Variants in ULK4 observed in about 807,000 individuals in gnomAD.
The protein encoded by ULK4 is inactive serine/threonine-protein kinase ULK4.
In ULK4, 133 loss-of-function variants were observed where a neutral mutation model predicts 160.6. That is an observed-to-expected ratio of 0.83 (90% CI 0.72 to 0.96). The LOEUF (loss-of-function observed/expected upper bound fraction) is 0.96, where lower values mean the gene tolerates loss of function less well. Ranked by LOEUF, ULK4 falls within the 40% of genes least tolerant of loss-of-function variation. The pLI is 0.00. For missense variants in ULK4, 1,580 were observed against 1,499.5 expected, an observed-to-expected ratio of 1.05 and a Z score of -0.89; for synonymous variants, 534 against 539.8, an observed-to-expected ratio of 0.99 and a Z score of 0.15.
intron 32 of ULK4, among the ~76,000 whole-genome samples, chr3:41,510,341 G>C (rs1360882863): frequency 1.3e-5 from 2 of 152,110 alleles, no homozygotes; most frequent in Non-Finnish European, 2.9e-5. Flanking sequence ...AACAATTACT[G>C]CTAGTCCTAA....
At chr3:41,484,802 G>A (rs144535879) in intron 32 of ULK4, among the ~76,000 whole-genome samples, 49 of 152,220 alleles carry the variant, frequency 3.2e-4, no homozygotes, top group East Asian at 1.7e-3. Flanking sequence ...GATGGAGAAC[G>A]ACCACCACGT....
chr3:41,661,747 A>G (rs1278684014), intron 30 of ULK4, among the ~76,000 whole-genome samples: 2 of 152,176 alleles, frequency 1.3e-5, no homozygotes, highest in African/African-American at 2.4e-5. Flanking sequence ...TACTTGTTCA[A>G]TCAAAACAAA....
intron 14 of ULK4, among the ~76,000 whole-genome samples, 181 bp from the exon 15 acceptor site, chr3:41,897,184 T>C (rs1698188964): frequency 6.6e-6 from 1 of 152,208 alleles, no homozygotes; most frequent in African/African-American, 2.4e-5. Context: ...TCCTAATCTC[T>C]TTATCTATCC....
At chr3:41,399,100 G>A (rs1017085370) in intron 34 of ULK4, among the ~76,000 whole-genome samples, 5 of 152,126 alleles carry the variant, frequency 3.3e-5, no homozygotes, top group Admixed American at 3.3e-4. Flanking sequence ...AGAACTGCCA[G>A]ACTGTTTTCC....
At chr3:41,719,438 G>T (rs1241860325) in intron 22 of ULK4, among the ~76,000 whole-genome samples, 1 of 152,034 alleles carries the variant, frequency 6.6e-6, no homozygotes, top group Non-Finnish European at 1.5e-5. Context: ...TCTTAAAGAG[G>T]TTCAAACTCT....
intron 32 of ULK4, among the ~76,000 whole-genome samples, chr3:41,542,913 A>G (rs1280601457): frequency 6.6e-6 from 1 of 152,140 alleles, no homozygotes; most frequent in Non-Finnish European, 1.5e-5. Flanking sequence ...TTCAGCATGC[A>G]AAGAGGTCTC....
At chr3:41,301,453 C>G (rs1182693640) in intron 35 of ULK4, among the ~76,000 whole-genome samples, 2 of 152,112 alleles carry the variant, frequency 1.3e-5, no homozygotes, top group African/African-American at 4.8e-5. Flanking sequence ...TGAGCACTAA[C>G]TTATTTAATG....
chr3:41,576,647 G>A (rs925861823), intron 31 of ULK4, among the ~76,000 whole-genome samples: 1 of 152,164 alleles, frequency 6.6e-6, no homozygotes, highest in Middle Eastern at 3.2e-3. Context: ...CTATGTAATG[G>A]TGTGAAGAAC....
At chr3:41,591,494 TA>T (rs57967274) in intron 31 of ULK4, among the ~76,000 whole-genome samples, 136 of 143,612 alleles carry the variant, frequency 9.5e-4, no homozygotes, top group East Asian at 1.4e-3. Flanking sequence ...CTGATGAGCT[TA>T]AAAAAAAAAA....
rs1424550070 is a variant in ULK4 at position 41,960,141 on chromosome 3, C to G, written c.-49+1875G>C. The stretch of plus-strand genomic sequence containing the variant: ...AAAATTCTGGAATTACAGGTGCAAG[C>G]CACCATCCAGCCCATCTTGAAATTT... On this transcript the variant is annotated intron_variant, in intron 1 of 36. Transcript: ENST00000301831. Among the ~76,000 whole-genome samples, 8 of 151,846 alleles carry G rather than the reference C, an allele frequency of 5.3e-5. 1 individual carries two copies. The highest frequency in any genetic ancestry group is 8.8e-5 in the Non-Finnish European group (6 of 67,968).
chr3:41,530,089 T>A (rs535476499), intron 32 of ULK4, among the ~76,000 whole-genome samples: 1 of 152,320 alleles, frequency 6.6e-6, no homozygotes, highest in South Asian at 2.1e-4. Flanking sequence ...AAAAATATAC[T>A]GAATTATGTA....
At chr3:41,727,593 C>T (rs1275199352) in intron 22 of ULK4, among the ~76,000 whole-genome samples, 1 of 152,200 alleles carries the variant, frequency 6.6e-6, no homozygotes, top group African/African-American at 2.4e-5. Flanking sequence ...CACATGCTTG[C>T]TGTGTACTTG....
intron 27 of ULK4, 110 bp downstream of exon 27, chr3:41,704,947 T>A: frequency 1.3e-6 from 1 of 754,746 alleles, no homozygotes; most frequent in South Asian, 2.2e-5. Flanking sequence ...TGAATGGTTA[T>A]TTCATGTGAG....
intron 32 of ULK4, among the ~76,000 whole-genome samples, chr3:41,479,223 CCT>C (rs1275471333): frequency 2.6e-5 from 4 of 152,330 alleles, no homozygotes; most frequent in Middle Eastern, 6.8e-3. Context: ...TTTTTCCTCC[CCT>C]GTCATCTACT....
At chr3:41,457,230 G>T (rs1053252690) in intron 33 of ULK4, among the ~76,000 whole-genome samples, 1 of 152,172 alleles carries the variant, frequency 6.6e-6, no homozygotes, top group Admixed American at 6.6e-5. Context: ...TGAGGCAGCA[G>T]TGAGGGGTAC....
intron 32 of ULK4, among the ~76,000 whole-genome samples, chr3:41,561,208 C>T (rs532186094): frequency 2.0e-5 from 3 of 152,212 alleles, no homozygotes; most frequent in South Asian, 2.1e-4. Flanking sequence ...ATCCCAGGGA[C>T]GAAGCCAACT....
At chr3:41,828,950 A>G (rs1018438880) in intron 18 of ULK4, among the ~76,000 whole-genome samples, 8 of 151,570 alleles carry the variant, frequency 5.3e-5, no homozygotes, top group African/African-American at 2.0e-4. Context: ...AAACAGAGAT[A>G]TAGATCAATG....
intron 31 of ULK4, among the ~76,000 whole-genome samples, chr3:41,601,331 T>C (rs543083418): frequency 6.6e-6 from 1 of 152,130 alleles, no homozygotes; most frequent in South Asian, 2.1e-4. Flanking sequence ...GGGAAGAAAT[T>C]TTAAAAACTG....
rs574013653 is a variant in ULK4, at chr3:41,330,285, C to T, written c.3678+67794G>A. Among the ~76,000 whole-genome samples the T allele has an allele frequency of 5.3e-5, 8 of 152,294 alleles. No individual in the cohort carries two copies. In the East Asian group the frequency reaches 1.4e-3, roughly 26 times the overall value. On this transcript the variant is annotated intron_variant, in intron 35 of 36. Coordinates refer to ENST00000301831, the MANE Select transcript of ULK4 (RefSeq NM_017886.4). ...AAAATGCTTTCCCAAGGAAATTAAC[C>T]CTATACTGACTGCCTTTTCCAAGTT...
Sources: allele counts gnomAD v4.1 joint callset (sites outside exome capture counted in the v4.1 genomes callset), GRCh38; gene constraint gnomAD v4.1.1; transcripts MANE v1.5; gene names NCBI Gene and HGNC (gene_info 2026-07-23, HGNC 2026-07-21).